TTC6: variants seen among roughly 807,000 people sequenced by gnomAD.
TTC6 encodes tetratricopeptide repeat protein 6.
Under a neutral mutation model 210.4 loss-of-function variants are expected in TTC6, and 172 were observed. The ratio of observed to expected loss-of-function variants is 0.82; its 90% CI spans 0.72 to 0.93. The LOEUF (loss-of-function observed/expected upper bound fraction) is 0.93, where lower values mean the gene tolerates loss of function less well. Ranked by LOEUF, TTC6 falls within the 40% of genes least tolerant of loss-of-function variation. The pLI, the probability that TTC6 is intolerant of heterozygous loss-of-function variation, is 0.00. For missense variants in TTC6, 2,414 were observed against 2,318.1 expected, an observed-to-expected ratio of 1.04 and a Z score of -0.85; for synonymous variants, 804 against 819.6, an observed-to-expected ratio of 0.98 and a Z score of 0.32.
Position 37,683,806 on chromosome 14 carries a change from C to G in TTC6, c.1257+842C>G, listed in dbSNP as rs560550839. ...ATAAGGGAGGATTGTTGTATTAATT[C>G]TTTTCATTAATTTGAGTCACTTTTT... On this transcript the variant is annotated intron_variant, in intron 3 of 30. Transcript: ENST00000553443. 1.6e-4 allele frequency among the ~76,000 whole-genome samples: 24 copies of G among 152,076 alleles called. No homozygotes were observed. In the Middle Eastern group the frequency reaches 0.01, roughly 65 times the overall value.
intron 10 of TTC6, among the ~76,000 whole-genome samples, chr14:37,747,242 C>T (rs1049409023): frequency 6.6e-6 from 1 of 152,110 alleles, no homozygotes; most frequent in African/African-American, 2.4e-5. Flanking sequence ...TTCCTAGAAT[C>T]CTTTATGTGT....
intron 3 of TTC6, among the ~76,000 whole-genome samples, chr14:37,695,250 T>G (rs1428266502): frequency 6.6e-6 from 1 of 152,060 alleles, no homozygotes; most frequent in African/African-American, 2.4e-5. Context: ...GAAGAGAGGC[T>G]TGATGGGTGT....
rs765521956 is a variant in TTC6 at position 37,753,187 on chromosome 14, A to G, written c.3218A>G (p.Glu1073Gly). The G allele has an allele frequency of 4.8e-5, 74 of 1,535,378 alleles. No homozygotes were observed. In the South Asian group the frequency reaches 8.1e-4, roughly 17 times the overall value. ...AATGAAAACTGGTTTGCAGCCATAGAGGATTTTACAGCCTTGTTAAATATA... is the reference window on the plus strand; with the variant it reads ...AATGAAAACTGGTTTGCAGCCATAGGGGATTTTACAGCCTTGTTAAATATA... The change falls in exon 14 of 31, where the codon GAG (glutamate) becomes GGG (glycine). Residue 1073 changes from glutamate (E) to glycine (G), a missense_variant. Transcript: ENST00000553443.
chr14:37,608,312 G>T (rs1437624361), intron 2 of TTC6, among the ~76,000 whole-genome samples: 1 of 151,492 alleles, frequency 6.6e-6, no homozygotes, highest in African/African-American at 2.4e-5. Flanking sequence ...GTGTGTTTTT[G>T]TTGTTGTTGT....
intron 16 of TTC6, among the ~76,000 whole-genome samples, chr14:37,791,210 T>A (rs916556263): frequency 6.6e-6 from 1 of 152,116 alleles, no homozygotes; most frequent in Non-Finnish European, 1.5e-5. Flanking sequence ...TTCTGCTTGG[T>A]GTATGATTGC....
chr14:37,830,533 C>T (rs2096182268), intron 29 of TTC6, among the ~76,000 whole-genome samples: 1 of 150,774 alleles, frequency 6.6e-6, no homozygotes, highest in African/African-American at 2.4e-5. Context: ...TTTTCTTTGT[C>T]TTTCTTTTGT....
intron 26 of TTC6, among the ~76,000 whole-genome samples, chr14:37,821,883 C>T (rs756787983): frequency 3.7e-4 from 55 of 146,922 alleles, no homozygotes; most frequent in African/African-American, 1.2e-3. Flanking sequence ...CAGTTTCAAG[C>T]GATTCTCCTG....
intron 1 of TTC6, among the ~76,000 whole-genome samples, chr14:37,643,845 T>G (rs2095696760): frequency 6.6e-6 from 1 of 152,204 alleles, no homozygotes; most frequent in South Asian, 2.1e-4. Context: ...TTGAGACAGC[T>G]GAGACACTTT....
intron 14 of TTC6, among the ~76,000 whole-genome samples, chr14:37,777,086 T>G (rs1198204360): frequency 6.6e-6 from 1 of 152,144 alleles, no homozygotes; most frequent in Admixed American, 6.5e-5. Flanking sequence ...GGGGATGGTC[T>G]TTTTATGTAG....
intron 7 of TTC6, among the ~76,000 whole-genome samples, chr14:37,729,535 T>C (rs1232270432): frequency 5.9e-5 from 9 of 152,206 alleles, no homozygotes; most frequent in Non-Finnish European, 1.3e-4. Flanking sequence ...GATGCATTCC[T>C]GCTTGATTGT....
chr14:37,777,827 T>C (rs892521282), intron 14 of TTC6, among the ~76,000 whole-genome samples: 22 of 151,390 alleles, frequency 1.5e-4, no homozygotes, highest in Non-Finnish European at 2.4e-4. Context: ...GGGGGTTTGA[T>C]TGTGGTATAA....
intron 7 of TTC6, among the ~76,000 whole-genome samples, chr14:37,725,308 GTGTGTA>G (rs1426126309): frequency 0.042 from 3,082 of 72,730 alleles, 26 homozygotes; most frequent in Non-Finnish European, 0.063. Context: ...ATGTGTGTGT[GTGTGTA>G]TATATATATA....
At chr14:37,789,242 C>G (rs2096074075) in intron 15 of TTC6, among the ~76,000 whole-genome samples, 2 of 152,060 alleles carry the variant, frequency 1.3e-5, no homozygotes, top group Admixed American at 1.3e-4. Flanking sequence ...CAGAGTAATG[C>G]TAGGAGCTCG....
chr14:37,640,202 G>A (rs1223301224), intron 1 of TTC6, among the ~76,000 whole-genome samples: 1 of 151,644 alleles, frequency 6.6e-6, no homozygotes, highest in African/African-American at 2.4e-5. Context: ...TAGAATGCAT[G>A]TATATTGTTT....
At chr14:37,696,675 G>A in intron 3 of TTC6, 42 bp from the exon 6 acceptor site, 1 of 1,013,416 alleles carries the variant, frequency 9.9e-7, no homozygotes, top group South Asian at 2.0e-5. Context: ...TAACTCTCAT[G>A]TTACATCTTC....
At chr14:37,775,998 A>C (rs1000150350) in intron 14 of TTC6, among the ~76,000 whole-genome samples, 4 of 149,138 alleles carry the variant, frequency 2.7e-5, no homozygotes, top group African/African-American at 1.0e-4. Context: ...CTTTACTTTG[A>C]GCCGATGGGT....
At chr14:37,684,170 G>T (rs1354458898) in intron 3 of TTC6, among the ~76,000 whole-genome samples, 3 of 152,116 alleles carry the variant, frequency 2.0e-5, no homozygotes, top group African/African-American at 7.2e-5. Flanking sequence ...TTTCCCAAAT[G>T]TTATTCCCAA....
At chr14:37,765,424 C>G (rs550319645) in intron 14 of TTC6, among the ~76,000 whole-genome samples, 1 of 151,774 alleles carries the variant, frequency 6.6e-6, no homozygotes, top group East Asian at 1.9e-4. Context: ...CAAGCAATCC[C>G]CCAACTTTGT....
chr14:37,702,353 C>T (rs1365312761), intron 5 of TTC6, among the ~76,000 whole-genome samples: 3 of 152,062 alleles, frequency 2.0e-5, no homozygotes, highest in African/African-American at 7.2e-5. Flanking sequence ...CTAATCGCCC[C>T]TCCTGATTAA....
Sources: gnomAD v4.1 joint callset for allele counts (sites outside exome capture counted in the v4.1 genomes callset) on GRCh38, gnomAD v4.1.1 for gene constraint, MANE v1.5 for transcripts, NCBI Gene and HGNC (gene_info 2026-07-23, HGNC 2026-07-21) for gene names.